The following ZBTB7B variants were observed in gnomAD, a reference collection of about 807,000 sequenced individuals.
ZBTB7B encodes the protein zinc finger and BTB domain containing 7B.
ZBTB7B carries 8 observed loss-of-function variants against 31.0 expected under a neutral mutation model. That is an observed-to-expected ratio of 0.26 (90% CI 0.15 to 0.47). The LOEUF (loss-of-function observed/expected upper bound fraction) is 0.47. ZBTB7B is among the 20% of genes least tolerant of loss of function. The pLI is 0.99. For synonymous variants in ZBTB7B, 261 were observed against 307.3 expected (o/e 0.85, Z 1.58); for missense variants, 494 against 742.4 (o/e 0.67, Z 3.89).
Position 155,018,266 on chromosome 1 carries a change from T to C in ZBTB7B, c.*1581T>C. 2.1e-6 allele frequency: 1 copy of C among 475,118 alleles called. No individual in the cohort carries two copies. Among genetic ancestry groups the C allele is most frequent in the Non-Finnish European group, 3.8e-6 (1 of 261,952 alleles). 29.4% of individuals were successfully genotyped at this position (475,118 alleles called of 1,614,324 possible). A position where few individuals can be genotyped will look rare whatever the true frequency, so the allele number is the denominator to read the frequency against. The stretch of plus-strand genomic sequence containing the variant: ...ATTTAAAAAGTGATGATGTAATATA[T>C]TGGGGTGGCGGGGAGATCGGGTTGT... On this transcript the variant is annotated 3_prime_UTR_variant, in exon 3 of 3. Coordinates refer to ENST00000535420, the MANE Select transcript of ZBTB7B (RefSeq NM_001256455.2).
At chr1:155,013,267 G>A (rs1488473782) in intron 1 of ZBTB7B, among the ~76,000 whole-genome samples, 1 of 152,196 alleles carries the variant, frequency 6.6e-6, no homozygotes, top group Non-Finnish European at 1.5e-5. Flanking sequence ...AGGTCATGGA[G>A]CTAACTGGTG....
In ZBTB7B at chr1:155,008,213, A is replaced by G. The variant is rs1240617523; in HGVS notation, c.-7+5270A>G. Among the ~76,000 whole-genome samples the G allele has an allele frequency of 7.2e-5, 11 of 151,744 alleles. No homozygotes were observed. In the South Asian group the frequency reaches 2.3e-3, roughly 32 times the overall value. On this transcript the variant is annotated intron_variant, in intron 1 of 2. Transcript: ENST00000535420. The stretch of plus-strand genomic sequence containing the variant: ...TCTGTTCCCCCTGATCCCCCTGGCT[A>G]TTGGGGGCTGGCATGAGTGCTGCCC...
At chr1:155,012,121 C>A (rs1358932781) in intron 1 of ZBTB7B, among the ~76,000 whole-genome samples, 1 of 152,198 alleles carries the variant, frequency 6.6e-6, no homozygotes, top group East Asian at 1.9e-4. Flanking sequence ...TGCCCAATCC[C>A]TGTGTGAGTT....
rs1286722027 is a variant in ZBTB7B, at chr1:155,002,846, C to G, written c.-104C>G. ...CTGACCGCGGCCTTCTGACCAGGAC[C>G]GGAGCAGGGCCCCAAGCCCCCGGGC... On this transcript the variant is annotated 5_prime_UTR_variant, in exon 1 of 3. Coordinates refer to ENST00000535420, the MANE Select transcript of ZBTB7B (RefSeq NM_001256455.2). The G allele has an allele frequency of 6.5e-6, 1 of 152,896 alleles. No homozygotes were observed. The highest frequency in any genetic ancestry group is 2.4e-5 in the African/African-American group (1 of 41,350). The allele number at this position is 152,896 out of a possible 1,614,324, so 9.5% of individuals were successfully genotyped here.
chr1:155,011,449 T>C (rs975120862), intron 1 of ZBTB7B, among the ~76,000 whole-genome samples: 5 of 152,212 alleles, frequency 3.3e-5, no homozygotes, highest in Admixed American at 2.6e-4. Context: ...CCCTGAAGTC[T>C]TCCCCCAACC....
intron 1 of ZBTB7B, among the ~76,000 whole-genome samples, chr1:155,012,130 T>C (rs536328852): frequency 2.0e-5 from 3 of 152,232 alleles, no homozygotes; most frequent in East Asian, 1.9e-4. Context: ...CCTGTGTGAG[T>C]TGCGTGGTGA....
At chr1:155,012,171 G>A (rs536125456) in intron 1 of ZBTB7B, among the ~76,000 whole-genome samples, 5 of 152,142 alleles carry the variant, frequency 3.3e-5, no homozygotes, top group Admixed American at 6.5e-5. Flanking sequence ...TGACAGTGAG[G>A]TCAGCCAATC....
At position 155,014,673 on chromosome 1, in the gene ZBTB7B, G is replaced by A. The variant is rs376255260; in HGVS notation, c.13G>A (p.Glu5Lys). The A allele has an allele frequency of 1.9e-6, 3 of 1,612,668 alleles. No individual in the cohort carries two copies. Among genetic ancestry groups the A allele is most frequent in the South Asian group, 1.1e-5 (1 of 91,022 alleles). The change falls in exon 2 of 3, where the codon GAG becomes AAG. Residue 5 changes from glutamate to lysine, a missense_variant. Glu to Lys is a moderately conservative substitution (Grantham distance 56). Coordinates refer to ENST00000535420, the MANE Select transcript of ZBTB7B (RefSeq NM_001256455.2). Reference sequence around the variant, plus strand: ...TCTGCAGGAGAAGATGGGGAGCCCCGAGGATGACCTGATTGGGATTCCATT... The same window carrying A: ...TCTGCAGGAGAAGATGGGGAGCCCCAAGGATGACCTGATTGGGATTCCATT... MGSP[E>K]DDLIGIPFPD...
chr1:155,011,031 C>T (rs1376302613), intron 1 of ZBTB7B: 1 of 1,529,642 alleles, frequency 6.5e-7, no homozygotes, highest in Non-Finnish European at 8.8e-7. Flanking sequence ...GGCCTTGGAA[C>T]CTGGGGAGGG....
chr1:155,008,504 G>A (rs184275029), intron 1 of ZBTB7B, among the ~76,000 whole-genome samples: 269 of 152,184 alleles, frequency 1.8e-3, no homozygotes, highest in Non-Finnish European at 3.0e-3. Flanking sequence ...ACTGTCCAGG[G>A]TTCCCCTCCT....
intron 1 of ZBTB7B, among the ~76,000 whole-genome samples, chr1:155,009,076 G>C (rs1290529654): frequency 6.6e-6 from 1 of 152,250 alleles, no homozygotes; most frequent in Non-Finnish European, 1.5e-5. Context: ...CTGAAAAACA[G>C]GTCAGGAAGA....
At chr1:155,012,722 G>A (rs1571521786) in intron 1 of ZBTB7B, among the ~76,000 whole-genome samples, 1 of 151,800 alleles carries the variant, frequency 6.6e-6, no homozygotes, top group African/African-American at 2.4e-5. Flanking sequence ...GCAATGAAGA[G>A]GGCAGGCAGG....
In ZBTB7B at chr1:155,016,736, C is replaced by T. The variant is rs533251695; in HGVS notation, c.*51C>T. 3 of 1,105,538 alleles carry T rather than the reference C, an allele frequency of 2.7e-6. No individual in the cohort carries two copies. The highest frequency in any genetic ancestry group is 5.1e-5 in the East Asian group (2 of 39,074). 68.5% of individuals were successfully genotyped at this position (1,105,538 alleles called of 1,614,324 possible). The stretch of plus-strand genomic sequence containing the variant: ...AGCACAAGGCCGGGGACACCCATGC[C>T]AAGCAGTGGGAGCACGCAGGACAGA... On this transcript the variant is annotated 3_prime_UTR_variant, in exon 3 of 3. Transcript: ENST00000535420. This position sits in a 1 kb window ranked among gnomAD's most constrained non-coding sequence, Gnocchi z 4.3.
intron 1 of ZBTB7B, among the ~76,000 whole-genome samples, chr1:155,012,650 C>T (rs1158906609): frequency 6.6e-6 from 1 of 151,900 alleles, no homozygotes; most frequent in Non-Finnish European, 1.5e-5. Flanking sequence ...AGGTGGCTTA[C>T]AAGCAAAGAA....
rs1243767548 is a variant in ZBTB7B at position 155,015,204 on chromosome 1, C to G, written c.544C>G (p.Pro182Ala). The change falls in exon 2 of 3, where the codon CCA becomes GCA. Residue 182 changes from proline (P) to alanine (A), a missense_variant. Pro to Ala is a conservative substitution (Grantham distance 27). This residue lies in a region of ZBTB7B where 216 missense variants were observed against 229.3 expected (regional missense o/e 0.94). Transcript: ENST00000535420. ...AGTTCCCAATGGTGAAGACAGTCCT[C>G]CACAGGTGCCCCTCCCACCACCTCC... ...SGVPNGEDSP[P>A]QVPLPPPPPP... 6.2e-7 allele frequency: 1 copy of G among 1,613,674 alleles called. No individual in the cohort carries two copies. Among genetic ancestry groups the G allele is most frequent in the Non-Finnish European group, 8.5e-7 (1 of 1,180,014 alleles).
At chr1:155,010,069 T>C (rs1658846444) in intron 1 of ZBTB7B, among the ~76,000 whole-genome samples, 1 of 151,168 alleles carries the variant, frequency 6.6e-6, no homozygotes, top group Admixed American at 6.6e-5. Context: ...GGGGCAAGAG[T>C]GAGGGCTGGA....
At chr1:155,008,494 A>C (rs528977228) in intron 1 of ZBTB7B, among the ~76,000 whole-genome samples, 14 of 152,020 alleles carry the variant, frequency 9.2e-5, no homozygotes, top group Non-Finnish European at 2.9e-5. Flanking sequence ...CCTGGCACTG[A>C]CTGTCCAGGG....
intron 1 of ZBTB7B, 119 bp from the exon 2 acceptor site, chr1:155,014,536 A>C: frequency 1.2e-6 from 1 of 839,364 alleles, no homozygotes; most frequent in South Asian, 1.7e-5. Context: ...AGTGTAAAGT[A>C]CTCAGAAGGG....
In ZBTB7B at chr1:155,014,952, G is replaced by C; in HGVS notation, c.292G>C (p.Ala98Pro). The C allele has an allele frequency of 6.2e-7, 1 of 1,613,908 alleles. No homozygotes were observed. The highest frequency in any genetic ancestry group is 8.5e-7 in the Non-Finnish European group (1 of 1,179,990). ...TGAGCTGGACTTTGTAGGGCCAGAG[G>C]CACTAGGCGCCCTCCTTGAATTTGC... ...VCELDFVGPE[A>P]LGALLEFAYT... The change falls in exon 2 of 3, where the codon GCA becomes CCA. Residue 98 changes from alanine (A) to proline (P), a missense_variant. By Grantham distance (27) the Ala-to-Pro change is conservative (BLOSUM62 -1). Transcript: ENST00000535420.
Sources: allele counts gnomAD v4.1 joint callset (sites outside exome capture counted in the v4.1 genomes callset), GRCh38; gene constraint gnomAD v4.1.1; regional missense constraint gnomAD v4.1.1; non-coding constraint Gnocchi (gnomAD v3.1); transcripts MANE v1.5; gene names NCBI Gene and HGNC (gene_info 2026-07-23, HGNC 2026-07-21).